Variants in POLA2 observed in about 807,000 individuals in gnomAD.
The protein encoded by POLA2 is DNA polymerase alpha 2, accessory subunit, also known as DNA polymerase alpha subunit B.
POLA2 carries 47 observed loss-of-function variants against 82.8 expected under a neutral mutation model. The observed-to-expected ratio is 0.57, with a 90% CI of 0.45 to 0.72. The LOEUF (loss-of-function observed/expected upper bound fraction) is 0.72, where lower values mean the gene tolerates loss of function less well. Ranked by LOEUF, POLA2 falls within the 30% of genes least tolerant of loss-of-function variation. POLA2 has a pLI of 0.00. For missense variants in POLA2, 634 were observed against 728.1 expected (o/e 0.87, Z 1.49); for synonymous variants, 287 against 286.8 (o/e 1.00, Z -0.01).
At position 65,268,725 on chromosome 11, in the gene POLA2, CA is replaced by C; in HGVS notation, c.353del (p.Lys118ArgfsTer15). 6.3e-7 allele frequency: 1 copy of C among 1,577,224 alleles called. No individual in the cohort carries two copies. Among genetic ancestry groups the C allele is most frequent in the East Asian group, 2.3e-5 (1 of 42,894 alleles). On this transcript the variant is annotated frameshift_variant, in exon 4 of 18. Transcript: ENST00000265465. LOFTEE classifies it high-confidence loss of function. ...CTCTTGAACTCTTACACCACACCTTCAAAGGTAAGTAAACAGTGTTTGGACA... is the reference window on the plus strand; with the variant it reads ...CTCTTGAACTCTTACACCACACCTTCAAGGTAAGTAAACAGTGTTTGGACA... ...EILLNSYTTP[S>X]KGSQKRAIST...
rs143187366 is a variant in POLA2, at chr11:65,293,362, C to T, written c.1245-791C>T. ...TGGTGGCTCACACATGTAATCCCAA[C>T]ACTTTGGGAGGCCAAGGTCGGTGGA... is the stretch of plus-strand genomic sequence containing the variant. On this transcript the variant is annotated intron_variant, in intron 13 of 17. Transcript: ENST00000265465. 5.6e-3 allele frequency among the ~76,000 whole-genome samples: 857 copies of T among 152,220 alleles called. 11 individuals are homozygous for T. The highest frequency in any genetic ancestry group is 0.02 in the African/African-American group (819 of 41,516).
intron 11 of POLA2, 29 bp from the exon 12 acceptor site, chr11:65,289,021 T>G: frequency 6.2e-7 from 1 of 1,609,076 alleles, no homozygotes. Flanking sequence ...TGATTTGTTC[T>G]TTTGGTGTCT....
intron 11 of POLA2, among the ~76,000 whole-genome samples, 157 bp from the exon 12 acceptor site, chr11:65,288,893 G>A (rs924291360): frequency 6.6e-5 from 10 of 152,194 alleles, no homozygotes; most frequent in East Asian, 1.9e-4. Flanking sequence ...TTGGCGCCCC[G>A]CCAGCCCATC....
chr11:65,305,729 T>C, downstream of POLA2: 1 of 224,684 alleles, frequency 4.5e-6, no homozygotes, highest in Non-Finnish European at 9.0e-6. Context: ...TGCCCCCCAG[T>C]CCTCCCAAGT....
At chr11:65,301,149 G>A (rs140854096), downstream of POLA2, among the ~76,000 whole-genome samples, 2 of 152,224 alleles carry the variant, frequency 1.3e-5, no homozygotes, top group Non-Finnish European at 2.9e-5. Context: ...GGAAGACAAG[G>A]CAAAGAGAGG....
At chr11:65,299,439 AC>A (rs752760680), downstream of POLA2, among the ~76,000 whole-genome samples, 21 of 152,254 alleles carry the variant, frequency 1.4e-4, no homozygotes, top group South Asian at 1.2e-3. Context: ...TGCTGAGGGA[AC>A]AGAAGCCACT....
chr11:65,301,107 C>G (rs1949857125), downstream of POLA2, among the ~76,000 whole-genome samples: 1 of 151,914 alleles, frequency 6.6e-6, no homozygotes, highest in Admixed American at 6.6e-5. Flanking sequence ...GGGTATGTTC[C>G]TAGGAATGGG....
chr11:65,294,881 A>G, intron 15 of POLA2: 1 of 401,938 alleles, frequency 2.5e-6, no homozygotes, highest in Non-Finnish European at 4.4e-6. Context: ...GACCCCAAAG[A>G]ACCACGTCCA....
At position 65,262,232 on chromosome 11, in the gene POLA2, G is replaced by A. The variant is rs1949405547; in HGVS notation, c.-61G>A. ...AGCTCATCGCTCGCCACCCCCGTGGGCTTCTTGGGCGCAGGTCGGAGCTGG... is the reference window on the plus strand; with the variant it reads ...AGCTCATCGCTCGCCACCCCCGTGGACTTCTTGGGCGCAGGTCGGAGCTGG... On this transcript the variant is annotated 5_prime_UTR_variant, in exon 1 of 18. Transcript: ENST00000265465. 7.3e-7 allele frequency: 1 copy of A among 1,375,862 alleles called. No homozygotes were observed. Among genetic ancestry groups the A allele is most frequent in the Non-Finnish European group, 1.0e-6 (1 of 977,706 alleles). The allele number at this position is 1,375,862 out of a possible 1,614,324, so 85.2% of individuals were successfully genotyped here. A position where few individuals can be genotyped will look rare whatever the true frequency, so the allele number is the denominator to read the frequency against.
At position 65,267,539 on chromosome 11, in the gene POLA2, A is replaced by G; in HGVS notation, c.267A>G (p.Gly89=). 8 of 1,610,944 alleles carry G rather than the reference A, an allele frequency of 5.0e-6. No homozygotes were observed. Among genetic ancestry groups the G allele is most frequent in the Non-Finnish European group, 6.8e-6 (8 of 1,177,996 alleles). ...CCTGCAAGGACAGTGGCCATGCAGG[A>G]GCTAGAGACATTGTTTCCATTCAAG... ...HSTCKDSGHA[G]ARDIVSIQEL... Residue 89 remains glycine (G), a synonymous_variant, in exon 3 of 18, where the codon GGA becomes GGG. Coordinates refer to ENST00000265465, the MANE Select transcript of POLA2 (RefSeq NM_002689.4).
At position 65,297,224 on chromosome 11, in the gene POLA2, A is replaced by G. The variant is rs1949821099; in HGVS notation, c.1752A>G (p.Ala584=). The G allele has an allele frequency of 6.2e-7, 1 of 1,613,752 alleles. No homozygotes were observed. Among genetic ancestry groups the G allele is most frequent in the Non-Finnish European group, 8.5e-7 (1 of 1,179,818 alleles). The change falls in exon 18 of 18, where the codon GCA becomes GCG. Residue 584 remains alanine (A), a synonymous_variant. Coordinates refer to ENST00000265465, the MANE Select transcript of POLA2 (RefSeq NM_002689.4). ...TTAGGAGGCCGGCAGCGGACGGGGCAGAGAGGCAGAGCCCATGCATTGCTG... is the reference window on the plus strand; with the variant it reads ...TTAGGAGGCCGGCAGCGGACGGGGCGGAGAGGCAGAGCCCATGCATTGCTG... The part of the protein sequence containing the change: ...LYLRRPAADG[A]ERQSPCIAVQ...
At chr11:65,301,374 G>A (rs1949858853), downstream of POLA2, among the ~76,000 whole-genome samples, 1 of 152,084 alleles carries the variant, frequency 6.6e-6, no homozygotes, top group African/African-American at 2.4e-5. Flanking sequence ...AACTTAAGAG[G>A]AGTCCCAGGT....
At chr11:65,288,999 C>T in intron 11 of POLA2, 51 bp from the exon 12 acceptor site, 1 of 1,553,148 alleles carries the variant, frequency 6.4e-7, no homozygotes, top group Non-Finnish European at 8.9e-7. Context: ...CATTCACAGA[C>T]ACAAGTGATT....
chr11:65,304,121 C>T (rs2137623742), intron 8 of POLA2, among the ~76,000 whole-genome samples: 1 of 152,260 alleles, frequency 6.6e-6, no homozygotes. Context: ...ATGTGTCTCC[C>T]ATACACCCTC....
rs763847143 is a variant in POLA2, at chr11:65,268,664, G to A, written c.297-8G>A. On this transcript the variant is annotated splice_polypyrimidine_tract_variant and splice_region_variant and intron_variant, in intron 3 of 17. Coordinates refer to ENST00000265465, the MANE Select transcript of POLA2 (RefSeq NM_002689.4). The stretch of plus-strand genomic sequence containing the variant: ...GCCATTATTGTTTTTCTTAACCAGT[G>A]TTCTTAGAATTGAAGTGGAAGAAGA... 5.7e-6 allele frequency: 9 copies of A among 1,584,902 alleles called. No individual in the cohort carries two copies. In the Admixed American group the frequency reaches 8.7e-5, roughly 15 times the overall value.
At chr11:65,296,840 C>T (rs531030774) in intron 17 of POLA2, among the ~76,000 whole-genome samples, 1 of 151,402 alleles carries the variant, frequency 6.6e-6, no homozygotes, top group South Asian at 2.1e-4. Flanking sequence ...TCCAAGCTAC[C>T]TGGGAGCCTG....
intron 15 of POLA2, 74 bp from the exon 16 acceptor site, chr11:65,295,466 A>G: frequency 3.1e-6 from 4 of 1,286,550 alleles, no homozygotes; most frequent in Non-Finnish European, 4.5e-6. Context: ...GGTTTATTAA[A>G]TTCTCCAGTC....
At chr11:65,301,159 G>A (rs1949857415), downstream of POLA2, among the ~76,000 whole-genome samples, 1 of 152,174 alleles carries the variant, frequency 6.6e-6, no homozygotes, top group Non-Finnish European at 1.5e-5. Flanking sequence ...GCAAAGAGAG[G>A]GAGGGAGGAG....
chr11:65,279,652 C>T (rs751384918), intron 7 of POLA2, 26 bp downstream of exon 7: 4 of 1,466,292 alleles, frequency 2.7e-6, no homozygotes, highest in African/African-American at 1.4e-5. Context: ...ATAGTTCTCA[C>T]TAATTAATAT....
Sources: allele counts gnomAD v4.1 joint callset (sites outside exome capture counted in the v4.1 genomes callset), GRCh38; gene constraint gnomAD v4.1.1; transcripts MANE v1.5; gene names NCBI Gene and HGNC (gene_info 2026-07-23, HGNC 2026-07-21).